Variants in HCN1 observed in about 807,000 individuals in gnomAD.
HCN1 encodes the protein potassium/sodium hyperpolarization-activated cyclic nucleotide-gated channel 1.
In HCN1, 13 loss-of-function variants were observed where a neutral mutation model predicts 78.9. That is an observed-to-expected ratio of 0.16 (90% CI 0.11 to 0.26). The LOEUF is 0.26. HCN1 is among the 10% of genes least tolerant of loss of function. HCN1 has a pLI of 1.00. For missense variants in HCN1, 810 were observed against 1,154.3 expected, an observed-to-expected ratio of 0.70 and a Z score of 4.32; for synonymous variants, 552 against 455.5, an observed-to-expected ratio of 1.21 and a Z score of -2.70.
chr5:45,324,122 T>C (rs1394179662), intron 5 of HCN1, among the ~76,000 whole-genome samples: 1 of 151,900 alleles, frequency 6.6e-6, no homozygotes, highest in African/African-American at 2.4e-5. Flanking sequence ...TCTAGATCCC[T>C]GAGGAATCGC....
Position 45,696,141 on chromosome 5 carries a change from C to T in HCN1, c.-48G>A. 3 of 1,231,340 alleles carry T rather than the reference C, an allele frequency of 2.4e-6. No individual in the cohort carries two copies. The highest frequency in any genetic ancestry group is 3.8e-5 in the South Asian group (2 of 52,560). 76.3% of individuals were successfully genotyped at this position (1,231,340 alleles called of 1,614,324 possible). On this transcript the variant is annotated 5_prime_UTR_variant, in exon 1 of 8. Coordinates refer to ENST00000303230, the MANE Select transcript of HCN1 (RefSeq NM_021072.4). ...CGGCGCGGGCTCCAGACTCGCCGGC[C>T]GCCCGGCGCCGGAGACACGTAGCCG...
At chr5:45,609,630 G>T (rs1204281851) in intron 2 of HCN1, among the ~76,000 whole-genome samples, 1 of 152,070 alleles carries the variant, frequency 6.6e-6, no homozygotes, top group Non-Finnish European at 1.5e-5. Flanking sequence ...CTTGACTGGT[G>T]TGAATGTATT....
At chr5:45,676,859 C>G (rs1438862279) in intron 1 of HCN1, among the ~76,000 whole-genome samples, 1 of 151,712 alleles carries the variant, frequency 6.6e-6, no homozygotes, top group Non-Finnish European at 1.5e-5. Flanking sequence ...GCAGTATTAT[C>G]CTTGAGAGGT....
intron 6 of HCN1, among the ~76,000 whole-genome samples, chr5:45,287,364 T>C (rs1463921764): frequency 6.6e-6 from 1 of 152,004 alleles, no homozygotes; most frequent in African/African-American, 2.4e-5. Flanking sequence ...ACAAAAATGT[T>C]TATGAATAAT....
intron 6 of HCN1, among the ~76,000 whole-genome samples, chr5:45,273,119 T>C (rs1427264145): frequency 2.0e-5 from 3 of 152,098 alleles, no homozygotes; most frequent in Admixed American, 2.0e-4. Flanking sequence ...GTAAAAGTAA[T>C]GGGGACTTAG....
intron 3 of HCN1, among the ~76,000 whole-genome samples, chr5:45,439,453 G>C (rs548959966): frequency 6.6e-6 from 1 of 152,210 alleles, no homozygotes; most frequent in African/African-American, 2.4e-5. Context: ...ATATTTTCTA[G>C]TAAGTTTTTA....
intron 4 of HCN1, among the ~76,000 whole-genome samples, chr5:45,396,202 A>T (rs1305117068): frequency 6.6e-6 from 1 of 152,180 alleles, no homozygotes; most frequent in Non-Finnish European, 1.5e-5. Context: ...ATGAGCCATG[A>T]TAACATCTTC....
intron 4 of HCN1, among the ~76,000 whole-genome samples, chr5:45,374,733 C>A (rs1012122340): frequency 6.7e-6 from 1 of 149,288 alleles, no homozygotes; most frequent in African/African-American, 2.5e-5. Context: ...AACACAGATA[C>A]AAAACTCCTC....
chr5:45,349,655 G>T (rs1463612284), intron 5 of HCN1, among the ~76,000 whole-genome samples: 1 of 152,132 alleles, frequency 6.6e-6, no homozygotes, highest in East Asian at 1.9e-4. Context: ...AAAGAGAAAA[G>T]AATGAAATAG....
intron 4 of HCN1, among the ~76,000 whole-genome samples, chr5:45,388,651 G>C (rs1671342753): frequency 6.6e-6 from 1 of 152,136 alleles, no homozygotes; most frequent in Non-Finnish European, 1.5e-5. Context: ...AGTTTGGAAA[G>C]CATTGTCCTA....
At chr5:45,298,422 T>C (rs1391767698) in intron 6 of HCN1, among the ~76,000 whole-genome samples, 1 of 151,748 alleles carries the variant, frequency 6.6e-6, no homozygotes, top group African/African-American at 2.4e-5. Flanking sequence ...TTTAGACTGA[T>C]AGGAACTATT....
At chr5:45,303,526 C>A (rs1291437835) in intron 6 of HCN1, 73 bp downstream of exon 6, 2 of 1,510,600 alleles carry the variant, frequency 1.3e-6, no homozygotes, top group Non-Finnish European at 1.8e-6. Context: ...GACATGCTGA[C>A]ATCTCCAAAA....
intron 7 of HCN1, among the ~76,000 whole-genome samples, chr5:45,266,631 C>G (rs950836685): frequency 6.6e-6 from 1 of 151,416 alleles, no homozygotes; most frequent in Admixed American, 6.6e-5. Flanking sequence ...ACCCAGATCT[C>G]TCAAGAAATA....
At chr5:45,578,010 G>A (rs1743984947) in intron 2 of HCN1, among the ~76,000 whole-genome samples, 1 of 152,030 alleles carries the variant, frequency 6.6e-6, no homozygotes, top group Non-Finnish European at 1.5e-5. Flanking sequence ...CAGTAGTGAT[G>A]AGACTTACAA....
chr5:45,551,296 A>C (rs948384251), intron 2 of HCN1, among the ~76,000 whole-genome samples: 1 of 151,880 alleles, frequency 6.6e-6, no homozygotes, highest in Non-Finnish European at 1.5e-5. Context: ...AAAATATATT[A>C]TGCTCTTATC....
At chr5:45,616,496 T>C (rs1396229620) in intron 2 of HCN1, among the ~76,000 whole-genome samples, 5 of 152,042 alleles carry the variant, frequency 3.3e-5, no homozygotes, top group African/African-American at 4.8e-5. Flanking sequence ...TTCTATTTAA[T>C]CTTCTATGAG....
intron 4 of HCN1, among the ~76,000 whole-genome samples, chr5:45,371,770 T>A (rs1163916459): frequency 2.8e-5 from 4 of 141,858 alleles, no homozygotes; most frequent in South Asian, 2.1e-4. Context: ...AAAAAAAATA[T>A]ATATATATAT....
chr5:45,408,395 T>C (rs1364127462), intron 3 of HCN1, among the ~76,000 whole-genome samples: 1 of 152,140 alleles, frequency 6.6e-6, no homozygotes, highest in Non-Finnish European at 1.5e-5. Context: ...TTATACCTTT[T>C]CTATGTTTAG....
chr5:45,269,690 G>A (rs1453976035), intron 6 of HCN1, among the ~76,000 whole-genome samples: 2 of 152,012 alleles, frequency 1.3e-5, no homozygotes, highest in Non-Finnish European at 2.9e-5. Flanking sequence ...CTTTATGAAC[G>A]AACCACTGAC....
Sources: allele counts gnomAD v4.1 joint callset (sites outside exome capture counted in the v4.1 genomes callset), GRCh38; gene constraint gnomAD v4.1.1; transcripts MANE v1.5; gene names NCBI Gene and HGNC (gene_info 2026-07-23, HGNC 2026-07-21).